The following OPRM1 variants were observed in gnomAD, a reference collection of about 807,000 sequenced individuals.
OPRM1 encodes the protein mu-type opioid receptor.
Under a neutral mutation model 31.8 loss-of-function variants are expected in OPRM1, and 27 were observed. The observed-to-expected ratio is 0.85, with a 90% CI of 0.63 to 1.17. The LOEUF is 1.17. Among genes scored for constraint, OPRM1 ranks in the 50% most tolerant of loss-of-function variants. The pLI is 0.00. For missense variants in OPRM1, 536 were observed against 511.1 expected (o/e 1.05, Z -0.47); for synonymous variants, 196 against 189.9 (o/e 1.03, Z -0.26).
chr6:154,110,856 C>T (rs1796269947), intron 3 of OPRM1, among the ~76,000 whole-genome samples: 1 of 123,456 alleles, frequency 8.1e-6, no homozygotes. Flanking sequence ...CACTGCACTC[C>T]AGCCTGGGCG....
At position 154,109,792 on chromosome 6, in the gene OPRM1, C is replaced by CTGTG. The variant is rs377400514; in HGVS notation, c.1165-8853_1165-8850dup. Among the ~76,000 whole-genome samples, 379 of 101,248 alleles carry CTGTG rather than the reference C, an allele frequency of 3.7e-3. 3 individuals are homozygous for CTGTG. Among genetic ancestry groups the CTGTG allele is most frequent in the African/African-American group, 6.8e-3 (178 of 26,316 alleles). 66.4% of individuals were successfully genotyped at this position (101,248 alleles called of 152,430 possible). ...CCTCTCTCTCTCTCTCTCTCTCTCT[C>CTGTG]TGTGTGTGTGTGTGTGTGTGTGTGT... On this transcript the variant is annotated intron_variant, in intron 3 of 3. Coordinates refer to ENST00000330432, the MANE Select transcript of OPRM1 (RefSeq NM_000914.5).
chr6:154,205,412 T>C (rs1226075858), intron 3 of OPRM1, among the ~76,000 whole-genome samples: 1 of 152,146 alleles, frequency 6.6e-6, no homozygotes, highest in Non-Finnish European at 1.5e-5. Context: ...CTGGTCAATA[T>C]GGTGAAACCC....
At chr6:154,241,994 C>G (rs1376387505) in intron 3 of OPRM1, among the ~76,000 whole-genome samples, 1 of 152,178 alleles carries the variant, frequency 6.6e-6, no homozygotes, top group Non-Finnish European at 1.5e-5. Flanking sequence ...CTATTTACTC[C>G]TTATGAGACT....
intron 3 of OPRM1, among the ~76,000 whole-genome samples, chr6:154,160,866 A>C (rs1020103715): frequency 6.6e-6 from 1 of 152,186 alleles, no homozygotes; most frequent in Non-Finnish European, 1.5e-5. Context: ...CTGCTGCCAC[A>C]GCCTCCTGAG....
chr6:154,091,075 T>C lies in OPRM1; in HGVS notation c.767T>C (p.Leu256Pro), dbSNP rs751081299. 2 of 1,614,220 alleles carry C rather than the reference T, an allele frequency of 1.2e-6. No individual in the cohort carries two copies. The highest frequency in any genetic ancestry group is 8.5e-7 in the Non-Finnish European group (1 of 1,180,030). ...PVLIITVCYG[L>P]MILRLKSVRM... ...CTCATCATTACCGTGTGCTATGGAC[T>C]GATGATCTTGCGCCTCAAGAGTGTC... The change falls in exon 3 of 4, where the codon CTG (leucine) becomes CCG (proline). Residue 256 changes from leucine to proline, a missense_variant. Leu to Pro is a moderately conservative substitution (Grantham distance 98). Transcript: ENST00000330432.
chr6:154,203,033 C>T (rs116013261), intron 3 of OPRM1, among the ~76,000 whole-genome samples: 1 of 152,120 alleles, frequency 6.6e-6, no homozygotes, highest in South Asian at 2.1e-4. Context: ...TATGAAAACA[C>T]GCTTTATAGA....
At chr6:154,029,773 T>C (rs1233328554) in intron 1 of OPRM1, among the ~76,000 whole-genome samples, 2 of 152,198 alleles carry the variant, frequency 1.3e-5, no homozygotes, top group Admixed American at 1.3e-4. Flanking sequence ...GCTGTTCTCA[T>C]GGTAGTGAAT....
At chr6:154,135,484 G>GATT (rs1300701680), downstream of OPRM1, among the ~76,000 whole-genome samples, 1 of 144,366 alleles carries the variant, frequency 6.9e-6, no homozygotes, top group African/African-American at 2.6e-5. Flanking sequence ...AAAATATATA[G>GATT]ATAGATATAG....
intron 3 of OPRM1, chr6:154,223,222 C>T (rs765725199): frequency 5.0e-6 from 8 of 1,613,318 alleles, no homozygotes; most frequent in South Asian, 1.1e-5. Context: ...GGCAGGTTGA[C>T]AAATCCATCA....
intron 3 of OPRM1, among the ~76,000 whole-genome samples, chr6:154,140,335 T>TTA (rs202061626): frequency 0.029 from 3,842 of 134,116 alleles, 155 homozygotes; most frequent in African/African-American, 0.099. Context: ...TTATTTTATT[T>TTA]TTTTTTTTTT....
intron 3 of OPRM1, among the ~76,000 whole-genome samples, chr6:154,193,487 CA>C (rs1234409905): frequency 6.6e-6 from 1 of 151,964 alleles, no homozygotes; most frequent in Non-Finnish European, 1.5e-5. Flanking sequence ...ACCTGTTCCC[CA>C]AAAACCTATG....
At chr6:154,011,912 G>A (rs1168191316) in intron 1 of OPRM1, among the ~76,000 whole-genome samples, 1 of 152,122 alleles carries the variant, frequency 6.6e-6, no homozygotes, top group Non-Finnish European at 1.5e-5. Flanking sequence ...GAGAGTCAAC[G>A]TGAGTCTACT....
At position 154,093,424 on chromosome 6, in the gene OPRM1, G is replaced by T. The variant is rs1360084253; in HGVS notation, c.1164+1952G>T. ...GGAAATACTGCTCCCAGCCCGTCTG[G>T]TGGAGCATTTCTCCTGAGTTAAGCA... On this transcript the variant is annotated intron_variant, in intron 3 of 3. Transcript: ENST00000330432. 2.5e-6 allele frequency: 4 copies of T among 1,613,928 alleles called. 1 individual carries two copies. The highest frequency in any genetic ancestry group is 3.4e-6 in the Non-Finnish European group (4 of 1,179,882).
At chr6:154,018,557 C>T (rs1778148927) in intron 1 of OPRM1, among the ~76,000 whole-genome samples, 1 of 150,136 alleles carries the variant, frequency 6.7e-6, no homozygotes, top group South Asian at 2.1e-4. Context: ...TGTGGGAGAC[C>T]AAAACCAATT....
intron 3 of OPRM1, among the ~76,000 whole-genome samples, chr6:154,113,816 A>G (rs1796584501): frequency 6.6e-6 from 1 of 152,126 alleles, no homozygotes; most frequent in South Asian, 2.1e-4. Context: ...TCTCTGATGG[A>G]CCATGTGATT....
intron 3 of OPRM1, among the ~76,000 whole-genome samples, chr6:154,227,828 A>T (rs1158438132): frequency 6.6e-6 from 1 of 152,210 alleles, no homozygotes; most frequent in African/African-American, 2.4e-5. Context: ...ATTCCCTTAA[A>T]CAGGAGCCTA....
intron 3 of OPRM1, among the ~76,000 whole-genome samples, chr6:154,164,689 C>A (rs777514597): frequency 1.2e-4 from 18 of 152,140 alleles, no homozygotes; most frequent in Non-Finnish European, 2.2e-4. Flanking sequence ...GAAATGTGTT[C>A]CACCAGAGTA....
rs2128534560 is a variant in OPRM1 at position 154,132,048 on chromosome 6, C to T, written c.*13327C>T. Among the ~76,000 whole-genome samples, 1 of 150,732 alleles carries T rather than the reference C, an allele frequency of 6.6e-6. No individual in the cohort carries two copies. Among genetic ancestry groups the T allele is most frequent in the East Asian group, 2.0e-4 (1 of 5,070 alleles). ...TAAAGTAGAGACAAAGCTACTATTT[C>T]ACATTTCCAGGTAGGACAGGATGAT... On this transcript the variant is annotated 3_prime_UTR_variant, in exon 4 of 4. Coordinates refer to ENST00000330432, the MANE Select transcript of OPRM1 (RefSeq NM_000914.5).
rs1448667028 is a variant in OPRM1 at position 154,120,085 on chromosome 6, A to G, written c.*1364A>G. Among the ~76,000 whole-genome samples the G allele has an allele frequency of 6.6e-6, 1 of 152,142 alleles. No individual in the cohort carries two copies. The highest frequency in any genetic ancestry group is 1.5e-5 in the Non-Finnish European group (1 of 68,004). On this transcript the variant is annotated 3_prime_UTR_variant, in exon 4 of 4. Coordinates refer to ENST00000330432, the MANE Select transcript of OPRM1 (RefSeq NM_000914.5). Reference sequence around the variant, plus strand: ...CATGCCTAGAAGCTCTCCATTTTGAACTTTTGTCAGCATTGATTAAAAGAA... The same window carrying G: ...CATGCCTAGAAGCTCTCCATTTTGAGCTTTTGTCAGCATTGATTAAAAGAA...
Sources: gnomAD v4.1 joint callset for allele counts (sites outside exome capture counted in the v4.1 genomes callset) on GRCh38, gnomAD v4.1.1 for gene constraint, MANE v1.5 for transcripts, NCBI Gene and HGNC (gene_info 2026-07-23, HGNC 2026-07-21) for gene names.